Variants in IREB2 observed in about 807,000 individuals in gnomAD.
IREB2 encodes iron-responsive element-binding protein 2.
In IREB2, 39 loss-of-function variants were observed where a neutral mutation model predicts 118.8. The observed-to-expected ratio is 0.33, with a 90% CI of 0.25 to 0.43. IREB2 has a LOEUF of 0.43. IREB2 is among the 20% of genes least tolerant of loss of function. IREB2 has a pLI of 1.00. For synonymous variants in IREB2, 372 were observed against 392.2 expected (o/e 0.95, Z 0.61); for missense variants, 900 against 1,147.3 (o/e 0.78, Z 3.11).
chr15:78,472,503 A>G (rs1175131084), intron 7 of IREB2, among the ~76,000 whole-genome samples: 1 of 151,938 alleles, frequency 6.6e-6, no homozygotes, highest in Non-Finnish European at 1.5e-5. Flanking sequence ...AGTAGCTGGG[A>G]CTACAGGCAC....
At chr15:78,465,649 CTT>C (rs2051269998) in intron 4 of IREB2, among the ~76,000 whole-genome samples, 5 of 151,818 alleles carry the variant, frequency 3.3e-5, no homozygotes, top group Admixed American at 2.6e-4. Flanking sequence ...TGTATTCAGT[CTT>C]TGTTTCCTTT....
chr15:78,449,359 A>T, intron 2 of IREB2, among the ~76,000 whole-genome samples: 1 of 152,192 alleles, frequency 6.6e-6, no homozygotes, highest in East Asian at 1.9e-4. Context: ...TTGATTCCAA[A>T]ACCTATGCTT....
intron 10 of IREB2, chr15:78,480,361 G>A (rs1371243358): frequency 6.6e-6 from 1 of 152,098 alleles, no homozygotes; most frequent in Non-Finnish European, 1.5e-5. Flanking sequence ...TTTGGTGGTA[G>A]AATAAAATGA....
At position 78,488,188 on chromosome 15, in the gene IREB2, G is replaced by T; in HGVS notation, c.1803G>T (p.Leu601Phe). 6.2e-7 allele frequency: 1 copy of T among 1,602,516 alleles called. No individual in the cohort carries two copies. Among genetic ancestry groups the T allele is most frequent in the Non-Finnish European group, 8.5e-7 (1 of 1,175,988 alleles). Residue 601 changes from leucine (L) to phenylalanine (F), a missense_variant, in exon 15 of 22, where the codon TTG becomes TTT. By Grantham distance (22) the Leu-to-Phe change is conservative. Transcript: ENST00000258886. Reference protein sequence around the residue: ...AVLNAVKQGDLVTCGILSGNK... With the variant: ...AVLNAVKQGDFVTCGILSGNK... ...GTTTGTGTTTTTTTCAGGGTGATTT[G>T]GTTACCTGTGGAATTTTATCTGGAA...
At chr15:78,483,988 T>A (rs1348351374) in intron 11 of IREB2, among the ~76,000 whole-genome samples, 1 of 151,986 alleles carries the variant, frequency 6.6e-6, no homozygotes, top group African/African-American at 2.4e-5. Context: ...TTTCACCATG[T>A]TGGCCAGACT....
In IREB2 at chr15:78,500,445, T is replaced by G. The variant is rs2051921332; in HGVS notation, c.*2302T>G. On this transcript the variant is annotated 3_prime_UTR_variant, in exon 22 of 22. Coordinates refer to ENST00000258886, the MANE Select transcript of IREB2 (RefSeq NM_004136.4). ...TATGTATACCTTATAATTCTGCCTC[T>G]AGCCAAATGCTATGTTTGCAAAATG... The G allele has an allele frequency of 6.6e-6, 1 of 151,978 alleles. No homozygotes were observed. Among genetic ancestry groups the G allele is most frequent in the African/African-American group, 2.4e-5 (1 of 41,348 alleles). The allele number at this position is 151,978 out of a possible 1,614,324, so 9.4% of individuals were successfully genotyped here.
intron 8 of IREB2, chr15:78,474,662 G>T (rs1025258290): frequency 1.3e-5 from 2 of 151,932 alleles, no homozygotes; most frequent in Admixed American, 1.3e-4. Flanking sequence ...TTGAGATCCT[G>T]TTCCATTTGT....
At chr15:78,476,031 C>G (rs536248156) in intron 8 of IREB2, 157 bp from the exon 9 acceptor site, 8 of 488,822 alleles carry the variant, frequency 1.6e-5, no homozygotes, top group South Asian at 4.7e-5. Context: ...TAAAATACCC[C>G]CAAAACCAGA....
chr15:78,444,062 A>T (rs1314761170), intron 2 of IREB2, among the ~76,000 whole-genome samples: 12 of 148,264 alleles, frequency 8.1e-5, no homozygotes, highest in Non-Finnish European at 1.5e-4. Flanking sequence ...GTAACTCTTT[A>T]AAAAAAAAAA....
chr15:78,490,804 T>C, intron 18 of IREB2, 43 bp downstream of exon 18: 10 of 1,581,548 alleles, frequency 6.3e-6, no homozygotes, highest in Non-Finnish European at 8.6e-6. Flanking sequence ...TTTTCTTGTT[T>C]CTTACTGATT....
intron 3 of IREB2, among the ~76,000 whole-genome samples, chr15:78,463,773 G>C (rs372289264): frequency 4.6e-5 from 7 of 152,122 alleles, no homozygotes. Flanking sequence ...CAACCTCCTG[G>C]GCTCAAGCGA....
chr15:78,497,228 G>C lies in IREB2; in HGVS notation c.2698G>C (p.Asp900His). Residue 900 changes from aspartate to histidine, a missense_variant, in exon 21 of 22, where the codon GAT becomes CAT. Asp to His is a moderately conservative substitution (Grantham distance 81). Transcript: ENST00000258886. ...TCAGTTCCTTCCAGGAGAAAATGCA[G>C]ATTCCTTGGGCCTCTCCGGTAGAGA... The part of the protein sequence containing the change: ...PLQFLPGENA[D>H]SLGLSGRETF... 6.2e-7 allele frequency: 1 copy of C among 1,613,890 alleles called. No individual in the cohort carries two copies. Among genetic ancestry groups the C allele is most frequent in the Non-Finnish European group, 8.5e-7 (1 of 1,179,754 alleles).
At chr15:78,481,905 A>T (rs2051580029) in intron 10 of IREB2, 1 of 152,264 alleles carries the variant, frequency 6.6e-6, no homozygotes, top group African/African-American at 2.4e-5. Context: ...TCTTAAATGG[A>T]TATTTATGGG....
chr15:78,461,904 T>G (rs1406904673), intron 2 of IREB2, among the ~76,000 whole-genome samples: 2 of 152,158 alleles, frequency 1.3e-5, no homozygotes, highest in African/African-American at 2.4e-5. Flanking sequence ...GATACCTTTT[T>G]GTACCAAAAA....
intron 16 of IREB2, among the ~76,000 whole-genome samples, chr15:78,489,046 C>T (rs574052245): frequency 1.6e-4 from 25 of 152,094 alleles, no homozygotes; most frequent in African/African-American, 5.3e-4. Context: ...ATGGAGAAAC[C>T]GCATCTCTAC....
intron 8 of IREB2, chr15:78,473,606 C>T: frequency 2.1e-6 from 1 of 478,044 alleles, no homozygotes; most frequent in Non-Finnish European, 3.7e-6. Flanking sequence ...CTCATTTAGT[C>T]CTTATAACAA....
chr15:78,438,293 T>A lies in IREB2; in HGVS notation c.-45T>A, dbSNP rs781285310. The stretch of plus-strand genomic sequence containing the variant: ...CTTCCCTGCCCGGCCTCCCCCTTCT[T>A]CCCCCGCTGGCCCCCTCCCCGGAGG... On this transcript the variant is annotated 5_prime_UTR_variant, in exon 1 of 22. Coordinates refer to ENST00000258886, the MANE Select transcript of IREB2 (RefSeq NM_004136.4). 6.5e-7 allele frequency: 1 copy of A among 1,545,732 alleles called. No individual in the cohort carries two copies. Among genetic ancestry groups the A allele is most frequent in the South Asian group, 1.2e-5 (1 of 84,694 alleles).
At position 78,487,789 on chromosome 15, in the gene IREB2, C is replaced by G; in HGVS notation, c.1766C>G (p.Ser589Ter). ...SICVGNTAPLSDAVLNAVKQG... is the reference protein window; with the variant it reads ...SICVGNTAPL Reference sequence around the variant, plus strand: ...TGTGTGGGAAATACAGCACCCTTATCAGACGCAGTTTTAAATGCAGTAAAA... The same window carrying G: ...TGTGTGGGAAATACAGCACCCTTATGAGACGCAGTTTTAAATGCAGTAAAA... The change falls in exon 14 of 22, where the codon TCA (serine) becomes TGA (stop). Residue 589 changes from serine to a stop codon, truncating the protein, a stop_gained. Coordinates refer to ENST00000258886, the MANE Select transcript of IREB2 (RefSeq NM_004136.4). LOFTEE classifies it high-confidence loss of function. The G allele has an allele frequency of 6.2e-7, 1 of 1,606,618 alleles. No homozygotes were observed. The highest frequency in any genetic ancestry group is 8.5e-7 in the Non-Finnish European group (1 of 1,173,548).
chr15:78,488,045 C>T, intron 14 of IREB2, 135 bp from the exon 15 acceptor site: 1 of 783,328 alleles, frequency 1.3e-6, no homozygotes, highest in South Asian at 2.0e-5. Flanking sequence ...ATGCATAGTT[C>T]TATATTTAAA....
Sources: gnomAD v4.1 joint callset for allele counts (sites outside exome capture counted in the v4.1 genomes callset) on GRCh38, gnomAD v4.1.1 for gene constraint, MANE v1.5 for transcripts, NCBI Gene and HGNC (gene_info 2026-07-23, HGNC 2026-07-21) for gene names.